The following TXNRD1 variants were observed in gnomAD, a reference collection of about 807,000 sequenced individuals.
TXNRD1 encodes the protein thioredoxin reductase 1, cytoplasmic.
In TXNRD1, 57 loss-of-function variants were observed where a neutral mutation model predicts 80.3. The observed-to-expected ratio is 0.71, with a 90% CI of 0.57 to 0.89. TXNRD1 has a LOEUF of 0.89. TXNRD1 is among the 40% of genes least tolerant of loss of function. TXNRD1 has a pLI of 0.00. For missense variants in TXNRD1, 730 were observed against 803.0 expected, an observed-to-expected ratio of 0.91 and a Z score of 1.10; for synonymous variants, 291 against 285.2, an observed-to-expected ratio of 1.02 and a Z score of -0.20.
rs565590351 is a variant in TXNRD1, at chr12:104,255,754, T to A, written c.244-2265T>A. On this transcript the variant is annotated intron_variant, in intron 2 of 16. Transcript: ENST00000525566. ...GTTGCAGTGAGCCAAGATCGCACCA[T>A]TGCACTCCAGCCTGGGCAACAAAAG... 5.9e-5 allele frequency among the ~76,000 whole-genome samples: 9 copies of A among 152,112 alleles called. No homozygotes were observed. In the East Asian group the frequency reaches 1.4e-3, roughly 23 times the overall value.
At chr12:104,305,033 GA>G in intron 4 of TXNRD1, 1 of 1,264,072 alleles carries the variant, frequency 7.9e-7, no homozygotes, top group Non-Finnish European at 1.1e-6. Context: ...CTTGTAAAGT[GA>G]AAAAGTATTT....
chr12:104,279,477 TG>T (rs1448055303), intron 3 of TXNRD1, among the ~76,000 whole-genome samples: 2 of 152,060 alleles, frequency 1.3e-5, no homozygotes, highest in Non-Finnish European at 2.9e-5. Flanking sequence ...GACTGAATCA[TG>T]GGGATTGAGG....
chr12:104,343,799 A>C (rs141838463), intron 16 of TXNRD1, among the ~76,000 whole-genome samples: 1 of 9,512 alleles, frequency 1.1e-4, no homozygotes, highest in Non-Finnish European at 2.8e-4. Flanking sequence ...ACCCTGTCTC[A>C]AAAAAAAAAA....
At position 104,288,656 on chromosome 12, in the gene TXNRD1, A is replaced by G. The variant is rs1484806752; in HGVS notation, c.305-275A>G. 8.1e-6 allele frequency: 8 copies of G among 989,508 alleles called. No homozygotes were observed. In the Admixed American group the frequency reaches 9.9e-5, roughly 12 times the overall value. The allele number at this position is 989,508 out of a possible 1,614,324, so 61.3% of individuals were successfully genotyped here. On this transcript the variant is annotated intron_variant, in intron 3 of 16. Coordinates refer to ENST00000525566, the MANE Select transcript of TXNRD1 (RefSeq NM_001093771.3). ...CGTTTAATTTTAGCGGAGTAGTGCA[A>G]TGATTTAACCCTGACTAGAACTCTG...
At chr12:104,302,697 G>A (rs895806628) in intron 4 of TXNRD1, among the ~76,000 whole-genome samples, 5 of 151,238 alleles carry the variant, frequency 3.3e-5, no homozygotes, top group African/African-American at 1.2e-4. Flanking sequence ...CACCGGGTTA[G>A]CCAAGATGGT....
At chr12:104,304,065 A>T in intron 4 of TXNRD1, 1 of 1,613,916 alleles carries the variant, frequency 6.2e-7, no homozygotes, top group South Asian at 1.1e-5. Flanking sequence ...CGCAGGCAGT[A>T]CCGGCAGCTC....
chr12:104,279,484 T>C (rs7301631), intron 3 of TXNRD1, among the ~76,000 whole-genome samples: 81,516 of 151,846 alleles, frequency 0.54, 22,345 homozygotes, highest in East Asian at 0.8. Flanking sequence ...TCATGGGGAT[T>C]GAGGAGAAGT....
At chr12:104,241,937 A>ATTTTTTTTTTTTTTTTTTTTTTTTTTTTT in intron 1 of TXNRD1, among the ~76,000 whole-genome samples, 1 of 96,082 alleles carries the variant, frequency 1.0e-5, no homozygotes, top group Non-Finnish European at 1.9e-5. Context: ...TATACTAATG[A>ATTTTTTTTTTTTTTTTTTTTTTTTTTTTT]TTTTTTTTTT....
At chr12:104,286,616 C>T (rs908115850) in intron 3 of TXNRD1, 2 of 603,358 alleles carry the variant, frequency 3.3e-6, no homozygotes, top group African/African-American at 4.0e-5. Context: ...CGCAGAGGCC[C>T]AGGTCACACT....
chr12:104,246,367 G>A (rs574165569), intron 1 of TXNRD1, among the ~76,000 whole-genome samples: 40 of 151,350 alleles, frequency 2.6e-4, no homozygotes, highest in African/African-American at 9.2e-4. Flanking sequence ...GGCGGAACTT[G>A]CAGTGAGCCA....
intron 4 of TXNRD1, chr12:104,304,371 T>C: frequency 1.2e-6 from 2 of 1,614,046 alleles, no homozygotes; most frequent in Non-Finnish European, 8.5e-7. Flanking sequence ...GATGATAGCA[T>C]AGCTCTTTCC....
intron 3 of TXNRD1, chr12:104,265,373 G>C (rs1366481882): frequency 6.2e-7 from 1 of 1,607,780 alleles, no homozygotes; most frequent in East Asian, 2.2e-5. Context: ...ACCCCCAAAT[G>C]CCACACGCCG....
intron 5 of TXNRD1, among the ~76,000 whole-genome samples, chr12:104,312,523 G>A (rs1325946665): frequency 2.0e-5 from 3 of 152,214 alleles, no homozygotes; most frequent in Non-Finnish European, 2.9e-5. Context: ...AATACCTGAT[G>A]TATTTTACTC....
chr12:104,246,407 G>A (rs1249561950), intron 1 of TXNRD1, among the ~76,000 whole-genome samples: 1 of 151,104 alleles, frequency 6.6e-6, no homozygotes, highest in African/African-American at 2.4e-5. Context: ...CAGCCTGGGC[G>A]ACAGTGCGAG....
chr12:104,246,388 A>G lies in TXNRD1; in HGVS notation c.92-5139A>G, dbSNP rs191280248. On this transcript the variant is annotated intron_variant, in intron 1 of 16. Transcript: ENST00000525566. Reference sequence around the variant, plus strand: ...ACTTGCAGTGAGCCAAGATCGCGCCACTGCACTCCAGCCTGGGCGACAGTG... The same window carrying G: ...ACTTGCAGTGAGCCAAGATCGCGCCGCTGCACTCCAGCCTGGGCGACAGTG... Among the ~76,000 whole-genome samples the G allele has an allele frequency of 6.4e-4, 96 of 150,456 alleles. No homozygotes were observed. In the East Asian group the frequency reaches 0.018, roughly 28 times the overall value.
rs76635606 is a variant in TXNRD1, at chr12:104,220,036, A to G, written c.91+4143A>G. 5.7e-3 allele frequency among the ~76,000 whole-genome samples: 870 copies of G among 152,312 alleles called. 55 individuals carry two copies. The East Asian group carries it at 0.14, about 24-fold the overall frequency. On this transcript the variant is annotated intron_variant, in intron 1 of 16. Transcript: ENST00000525566. ...TGTCTCAAGTGATTCTATTTGAACC[A>G]AGGCCTGAGAACACTGCAGTGAGGT...
chr12:104,254,643 AAATATAT>A (rs1364178365), intron 2 of TXNRD1, among the ~76,000 whole-genome samples: 2 of 129,188 alleles, frequency 1.5e-5, no homozygotes, highest in Non-Finnish European at 3.2e-5. Flanking sequence ...AAAAAAAAAA[AAATATAT>A]ATATATATAT....
chr12:104,325,144 AC>A (rs2035712637), intron 10 of TXNRD1, among the ~76,000 whole-genome samples, 192 bp from the exon 11 acceptor site: 1 of 152,364 alleles, frequency 6.6e-6, no homozygotes, highest in South Asian at 2.1e-4. Flanking sequence ...CTAGCAGACA[AC>A]ATTGAGCAGC....
At chr12:104,226,550 G>T (rs758115955) in intron 1 of TXNRD1, among the ~76,000 whole-genome samples, 6 of 152,172 alleles carry the variant, frequency 3.9e-5, no homozygotes, top group Non-Finnish European at 4.4e-5. Flanking sequence ...GGCTCCACAA[G>T]TCATTTGAGG....
Sources: allele counts gnomAD v4.1 joint callset (sites outside exome capture counted in the v4.1 genomes callset), GRCh38; gene constraint gnomAD v4.1.1; transcripts MANE v1.5; gene names NCBI Gene and HGNC (gene_info 2026-07-23, HGNC 2026-07-21).